Variants in LINGO2 observed in about 807,000 individuals in gnomAD.
LINGO2 encodes the protein leucine-rich repeat and immunoglobulin-like domain-containing nogo receptor-interacting protein 2.
LINGO2 carries 14 observed loss-of-function variants against 30.6 expected under a neutral mutation model. The observed-to-expected ratio is 0.46, with a 90% CI of 0.30 to 0.72. The LOEUF (loss-of-function observed/expected upper bound fraction) is 0.72. LINGO2 is among the 30% of genes least tolerant of loss of function. The pLI is 0.07. For missense variants in LINGO2, 729 were observed against 751.7 expected (o/e 0.97, Z 0.35); for synonymous variants, 317 against 288.5 (o/e 1.10, Z -1.00).
the LINGO2 span, among the ~76,000 whole-genome samples, chr9:28,875,302 C>A: frequency 6.6e-6 from 1 of 151,856 alleles, no homozygotes; most frequent in Non-Finnish European, 1.5e-5. Flanking sequence ...TGAATATGTG[C>A]GTGCATGTCT....
chr9:28,348,808 G>A (rs562542090), intron 3 of LINGO2, among the ~76,000 whole-genome samples: 2 of 151,630 alleles, frequency 1.3e-5, no homozygotes, highest in South Asian at 2.1e-4. Flanking sequence ...ATCTGAGAAC[G>A]GGCAGACTGC....
rs1456874533 is a variant in LINGO2 at position 28,148,121 on chromosome 9, G to C, written c.-86-135716C>G. The C allele has an allele frequency of 9.0e-7, 1 of 1,107,380 alleles. No individual in the cohort carries two copies. 68.6% of individuals were successfully genotyped at this position (1,107,380 alleles called of 1,614,324 possible). A position where few individuals can be genotyped will look rare whatever the true frequency, so the allele number is the denominator to read the frequency against. On this transcript the variant is annotated intron_variant, in intron 4 of 5. Coordinates refer to ENST00000379992, the Ensembl canonical transcript of LINGO2. The surrounding 1 kb of genome is among the most constrained non-coding windows in gnomAD (Gnocchi z 5.1). ...CCCCGCGGCTCCTGCACCTGTGCCT[G>C]CCCGGGGAATCGTGGGCCGTTTCCC...
the LINGO2 span, among the ~76,000 whole-genome samples, chr9:29,138,745 A>G: frequency 6.6e-6 from 1 of 151,984 alleles, no homozygotes; most frequent in Admixed American, 6.6e-5. Flanking sequence ...TGGATAAATA[A>G]TTCAGTATCA....
the LINGO2 span, among the ~76,000 whole-genome samples, chr9:29,085,281 TAAAAAAAAAAAA>T: frequency 3.9e-5 from 3 of 77,034 alleles, no homozygotes; most frequent in African/African-American, 4.5e-5. Flanking sequence ...CTATGGTAAG[TAAAAAAAAAAAA>T]AAAAAAAAAA....
intron 5 of LINGO2, among the ~76,000 whole-genome samples, chr9:27,978,115 C>T (rs1820690649): frequency 6.6e-6 from 1 of 152,070 alleles, no homozygotes; most frequent in Non-Finnish European, 1.5e-5. Flanking sequence ...TTGTCCTTTA[C>T]AGCCTTTGCT....
the LINGO2 span, among the ~76,000 whole-genome samples, chr9:28,910,216 G>A: frequency 4.1e-4 from 63 of 151,880 alleles, no homozygotes; most frequent in Middle Eastern, 6.8e-3. Flanking sequence ...CTTAAATGTT[G>A]ATCTCTTGGG....
intron 4 of LINGO2, among the ~76,000 whole-genome samples, chr9:28,178,902 G>A (rs984536200): frequency 3.3e-5 from 5 of 152,036 alleles, no homozygotes; most frequent in African/African-American, 4.8e-5. Flanking sequence ...GAAACGATAC[G>A]CACTCCATTT....
At chr9:28,364,038 C>G (rs771223489) in intron 3 of LINGO2, among the ~76,000 whole-genome samples, 10 of 151,496 alleles carry the variant, frequency 6.6e-5, no homozygotes, top group Non-Finnish European at 1.2e-4. Context: ...ATGGCTGTTA[C>G]CCCTGGTAGT....
intron 4 of LINGO2, among the ~76,000 whole-genome samples, chr9:28,077,565 T>TGG (rs1563961000): frequency 5.3e-5 from 8 of 150,008 alleles, no homozygotes; most frequent in African/African-American, 1.8e-4. Context: ...GCATCAAAAC[T>TGG]ATTATCTTAT....
intron 4 of LINGO2, among the ~76,000 whole-genome samples, chr9:28,247,857 G>T (rs1822059002): frequency 6.6e-6 from 1 of 152,162 alleles, no homozygotes; most frequent in Non-Finnish European, 1.5e-5. Context: ...ATTTGAAAAT[G>T]TGCCAACATC....
At chr9:28,651,791 T>A (rs1276032343) in intron 1 of LINGO2, among the ~76,000 whole-genome samples, 1 of 152,182 alleles carries the variant, frequency 6.6e-6, no homozygotes, top group African/African-American at 2.4e-5. Context: ...GCTTCCAATC[T>A]ATATTTATGA....
intron 4 of LINGO2, among the ~76,000 whole-genome samples, chr9:28,280,835 G>C (rs1291074743): frequency 1.3e-5 from 2 of 152,036 alleles, no homozygotes; most frequent in African/African-American, 4.8e-5. Flanking sequence ...CTAGTCTTCT[G>C]CAAAAAGTTT....
the LINGO2 span, among the ~76,000 whole-genome samples, chr9:29,175,380 T>C: frequency 6.6e-6 from 1 of 152,182 alleles, no homozygotes; most frequent in African/African-American, 2.4e-5. Flanking sequence ...CCTAATTCTG[T>C]TGCGGTTTCA....
At chr9:28,587,980 G>T (rs556180638) in intron 1 of LINGO2, among the ~76,000 whole-genome samples, 1 of 151,952 alleles carries the variant, frequency 6.6e-6, no homozygotes, top group African/African-American at 2.4e-5. Flanking sequence ...GGCTGGCCAC[G>T]TATCCATGGA....
the LINGO2 span, among the ~76,000 whole-genome samples, chr9:28,798,649 C>T: frequency 6.6e-6 from 1 of 152,056 alleles, no homozygotes; most frequent in African/African-American, 2.4e-5. Flanking sequence ...GAACATAAAT[C>T]TAACCTGGAA....
rs144122092 is a variant in LINGO2, at chr9:28,167,453, T to A, written c.-87+127755A>T. Among the ~76,000 whole-genome samples the A allele has an allele frequency of 3.3e-4, 51 of 152,306 alleles. No individual in the cohort carries two copies. The East Asian group carries it at 5.8e-3, about 17-fold the overall frequency. On this transcript the variant is annotated intron_variant, in intron 4 of 5. Coordinates refer to ENST00000379992, the Ensembl canonical transcript of LINGO2. ...TATAGTGCAGTGGCACGATCACAGA[T>A]CACTGCAACCTCCACCTCCAGGATT...
chr9:29,096,642 T>C, the LINGO2 span, among the ~76,000 whole-genome samples: 1 of 140,422 alleles, frequency 7.1e-6, no homozygotes, highest in African/African-American at 2.7e-5. Flanking sequence ...CTTCAAAAGA[T>C]TGTAAGACTG....
chr9:28,315,573 A>G (rs1824812910), intron 3 of LINGO2, among the ~76,000 whole-genome samples: 1 of 152,170 alleles, frequency 6.6e-6, no homozygotes, highest in Non-Finnish European at 1.5e-5. Context: ...GTCACTTGAA[A>G]TATTATATTC....
chr9:29,043,310 T>C, the LINGO2 span, among the ~76,000 whole-genome samples: 4 of 151,978 alleles, frequency 2.6e-5, no homozygotes, highest in African/African-American at 7.2e-5. Context: ...ATTTCCATTA[T>C]CTGCTGGGAA....
Sources: gnomAD v4.1 joint callset for allele counts (sites outside exome capture counted in the v4.1 genomes callset) on GRCh38, gnomAD v4.1.1 for gene constraint, Gnocchi (gnomAD v3.1) non-coding constraint, MANE v1.5 for transcripts, NCBI Gene and HGNC (gene_info 2026-07-23, HGNC 2026-07-21) for gene names.